The following ZNF804B variants were observed in gnomAD, a reference collection of about 807,000 sequenced individuals.
ZNF804B encodes the protein zinc finger 804B.
A neutral mutation model predicts 101.4 loss-of-function variants in ZNF804B; 80 were observed. The observed-to-expected ratio is 0.79, with a 90% CI of 0.66 to 0.95. ZNF804B has a LOEUF of 0.95. ZNF804B is among the 40% of genes least tolerant of loss of function. The pLI, the probability that ZNF804B is intolerant of heterozygous loss-of-function variation, is 0.00. For missense variants in ZNF804B, 1,673 were observed against 1,561.9 expected (o/e 1.07, Z -1.20); for synonymous variants, 622 against 558.8 (o/e 1.11, Z -1.59).
In ZNF804B at chr7:89,271,237, T is replaced by A. The variant is rs1318261621; in HGVS notation, c.249+52942T>A. ...ATAGCTCTTATTATTTTGAGATACA[T>A]CCCATCAGTACCTAATTTATTGAGA... On this transcript the variant is annotated intron_variant, in intron 2 of 3. Transcript: ENST00000333190. 5.9e-5 allele frequency among the ~76,000 whole-genome samples: 9 copies of A among 152,190 alleles called. No homozygotes were observed. The East Asian group carries it at 1.7e-3, about 29-fold the overall frequency.
intron 1 of ZNF804B, among the ~76,000 whole-genome samples, chr7:88,909,454 G>A (rs1792517129): frequency 6.6e-6 from 1 of 151,628 alleles, no homozygotes. Context: ...GGCAGGGTAG[G>A]TCTTTAAATA....
At chr7:89,188,818 C>T (rs1478285747) in intron 1 of ZNF804B, among the ~76,000 whole-genome samples, 3 of 152,026 alleles carry the variant, frequency 2.0e-5, no homozygotes, top group Non-Finnish European at 2.9e-5. Flanking sequence ...GGTGAGGAAG[C>T]TGTAGAAGAA....
intron 1 of ZNF804B, among the ~76,000 whole-genome samples, chr7:89,128,603 C>A (rs573703338): frequency 1.5e-4 from 23 of 151,992 alleles, no homozygotes; most frequent in African/African-American, 4.6e-4. Context: ...TTATGTTTAT[C>A]AGCCATTCTT....
intron 1 of ZNF804B, among the ~76,000 whole-genome samples, chr7:88,837,880 C>T (rs1791238181): frequency 1.3e-5 from 2 of 151,816 alleles, no homozygotes; most frequent in Admixed American, 1.3e-4. Context: ...CACCACTAAT[C>T]TCCCCAAGTT....
chr7:89,213,557 G>T (rs1170389371), intron 1 of ZNF804B, among the ~76,000 whole-genome samples: 1 of 152,120 alleles, frequency 6.6e-6, no homozygotes, highest in Non-Finnish European at 1.5e-5. Context: ...CCATCTCTCA[G>T]CTTCAAGAGC....
intron 1 of ZNF804B, among the ~76,000 whole-genome samples, chr7:88,898,264 T>C (rs1162571202): frequency 1.3e-5 from 2 of 151,808 alleles, no homozygotes; most frequent in Non-Finnish European, 2.9e-5. Flanking sequence ...TTTTTTGTAT[T>C]TTTAGTAGAG....
chr7:88,866,652 G>C (rs1426409721), intron 1 of ZNF804B, among the ~76,000 whole-genome samples: 1 of 152,148 alleles, frequency 6.6e-6, no homozygotes, highest in Non-Finnish European at 1.5e-5. Flanking sequence ...CAAGTAAAAT[G>C]CACCCAAATG....
chr7:89,264,531 ATC>A (rs1486790503), intron 2 of ZNF804B, among the ~76,000 whole-genome samples: 1 of 151,792 alleles, frequency 6.6e-6, no homozygotes, highest in Non-Finnish European at 1.5e-5. Context: ...CCACCCTTCA[ATC>A]TCTGTTTACC....
intron 1 of ZNF804B, among the ~76,000 whole-genome samples, chr7:89,141,097 T>G (rs1248808357): frequency 6.6e-6 from 1 of 151,972 alleles, no homozygotes; most frequent in East Asian, 1.9e-4. Flanking sequence ...AGCCTGTCAG[T>G]GGAGCAGAGA....
intron 1 of ZNF804B, among the ~76,000 whole-genome samples, chr7:88,820,013 AGTT>A (rs1057119486): frequency 1.3e-5 from 2 of 152,204 alleles, no homozygotes; most frequent in African/African-American, 4.8e-5. Flanking sequence ...ATGTCATTTA[AGTT>A]GTAATGAAAG....
At chr7:89,186,129 TTTA>T (rs1368704371) in intron 1 of ZNF804B, among the ~76,000 whole-genome samples, 1 of 152,010 alleles carries the variant, frequency 6.6e-6, no homozygotes, top group Non-Finnish European at 1.5e-5. Context: ...TATTATCAAT[TTTA>T]TTAGTGATAA....
rs561620005 is a variant in ZNF804B at position 89,336,450 on chromosome 7, T to A, written c.3468T>A (p.Asp1156Glu). The A allele has an allele frequency of 6.8e-6, 11 of 1,614,028 alleles. No homozygotes were observed. The highest frequency in any genetic ancestry group is 5.3e-5 in the African/African-American group (4 of 75,008). ...QPITFSPDEI[D>E]KYKILQLQAQ... ...TAACATTTTCTCCTGACGAAATAGATAAATATAAGATCCTACAGCTACAAG... is the reference window on the plus strand; with the variant it reads ...TAACATTTTCTCCTGACGAAATAGAAAAATATAAGATCCTACAGCTACAAG... Residue 1156 changes from aspartate to glutamate, a missense_variant, in exon 4 of 4, where the codon GAT (aspartate) becomes GAA (glutamate). Transcript: ENST00000333190.
intron 1 of ZNF804B, among the ~76,000 whole-genome samples, chr7:89,071,990 G>T (rs1349684027): frequency 7.9e-5 from 12 of 152,168 alleles, no homozygotes; most frequent in Admixed American, 7.9e-4. Flanking sequence ...TGCTGCAGGT[G>T]ATAAAAATGG....
chr7:89,105,857 C>T (rs1288215919), intron 1 of ZNF804B, among the ~76,000 whole-genome samples: 2 of 152,076 alleles, frequency 1.3e-5, no homozygotes, highest in Admixed American at 1.3e-4. Flanking sequence ...TCCCATGACC[C>T]CTTTGTTAGG....
intron 2 of ZNF804B, among the ~76,000 whole-genome samples, chr7:89,248,155 G>C (rs1363902693): frequency 6.6e-6 from 1 of 152,140 alleles, no homozygotes; most frequent in Non-Finnish European, 1.5e-5. Flanking sequence ...AAGAGATAGA[G>C]AAAAGATGAA....
At chr7:88,917,273 A>C (rs1042646577) in intron 1 of ZNF804B, among the ~76,000 whole-genome samples, 13 of 152,060 alleles carry the variant, frequency 8.5e-5, no homozygotes, top group Admixed American at 7.2e-4. Context: ...TCAAAAAAAA[A>C]CTAAAAATAA....
chr7:89,283,933 G>A (rs919151403), intron 2 of ZNF804B, among the ~76,000 whole-genome samples: 1 of 152,024 alleles, frequency 6.6e-6, no homozygotes, highest in East Asian at 1.9e-4. Flanking sequence ...TATCAAAAAG[G>A]TTAAGAAAAA....
chr7:89,180,943 T>C (rs1788286991), intron 1 of ZNF804B, among the ~76,000 whole-genome samples: 1 of 150,706 alleles, frequency 6.6e-6, no homozygotes, highest in Non-Finnish European at 1.5e-5. Flanking sequence ...ACAAGTGAGA[T>C]GGGGAGTCAC....
chr7:88,898,939 G>A (rs922212230), intron 1 of ZNF804B, among the ~76,000 whole-genome samples: 3 of 152,150 alleles, frequency 2.0e-5, no homozygotes, highest in Non-Finnish European at 1.5e-5. Flanking sequence ...GTCCTGAATG[G>A]TCACAGTCTT....
Sources: gnomAD v4.1 joint callset for allele counts (sites outside exome capture counted in the v4.1 genomes callset) on GRCh38, gnomAD v4.1.1 for gene constraint, MANE v1.5 for transcripts, NCBI Gene and HGNC (gene_info 2026-07-23, HGNC 2026-07-21) for gene names.